Variants in PRKCH observed in about 807,000 individuals in gnomAD.
PRKCH encodes protein kinase C eta type.
Under a neutral mutation model 82.5 loss-of-function variants are expected in PRKCH, and 28 were observed. That is an observed-to-expected ratio of 0.34 (90% CI 0.25 to 0.47). The LOEUF is 0.47. Among genes scored for constraint, PRKCH ranks in the 20% least tolerant of loss-of-function variants. PRKCH has a pLI of 1.00. For synonymous variants in PRKCH, 322 were observed against 327.4 expected (o/e 0.98, Z 0.18); for missense variants, 705 against 881.8 (o/e 0.80, Z 2.54).
intron 2 of PRKCH, among the ~76,000 whole-genome samples, chr14:61,423,252 A>G (rs1489241491): frequency 2.0e-5 from 3 of 152,234 alleles, no homozygotes; most frequent in Non-Finnish European, 4.4e-5. Flanking sequence ...TCAGTGGCAC[A>G]TCAATAATCT....
At chr14:61,315,994 TGC>T (rs1446819083) in intron 1 of PRKCH, among the ~76,000 whole-genome samples, 3 of 152,230 alleles carry the variant, frequency 2.0e-5, no homozygotes, top group Admixed American at 6.5e-5. Flanking sequence ...GTGATCCACC[TGC>T]CTCGGCCTCC....
intron 1 of PRKCH, among the ~76,000 whole-genome samples, chr14:61,188,487 C>T (rs1383184742): frequency 6.6e-6 from 1 of 151,992 alleles, no homozygotes; most frequent in African/African-American, 2.4e-5. Flanking sequence ...CCTTGTGGCT[C>T]CGCAACCCAA....
intron 1 of PRKCH, among the ~76,000 whole-genome samples, chr14:61,259,699 A>C (rs953562399): frequency 6.6e-6 from 1 of 152,180 alleles, no homozygotes; most frequent in Non-Finnish European, 1.5e-5. Flanking sequence ...TCCACTGCAC[A>C]CTTGACCTTT....
chr14:61,414,569 G>A (rs920622465), intron 2 of PRKCH, among the ~76,000 whole-genome samples: 3 of 150,710 alleles, frequency 2.0e-5, no homozygotes, highest in East Asian at 1.9e-4. Flanking sequence ...CACTGTGCCC[G>A]GCATGGGCTT....
intron 6 of PRKCH, among the ~76,000 whole-genome samples, chr14:61,451,325 G>GA (rs1453323962): frequency 6.6e-6 from 1 of 151,862 alleles, no homozygotes; most frequent in African/African-American, 2.4e-5. Context: ...ACACTAAAAA[G>GA]AAAAAAATAA....
At chr14:61,535,893 T>C (rs760726008) in intron 12 of PRKCH, among the ~76,000 whole-genome samples, 7 of 152,188 alleles carry the variant, frequency 4.6e-5, no homozygotes, top group Non-Finnish European at 8.8e-5. Context: ...GATGAGTACA[T>C]GAGGGTCTGT....
intron 10 of PRKCH, among the ~76,000 whole-genome samples, chr14:61,505,899 G>A (rs1053539232): frequency 2.6e-5 from 4 of 152,198 alleles, no homozygotes; most frequent in Non-Finnish European, 2.9e-5. Context: ...CTGTCTCATG[G>A]TTCTAACCAG....
intron 9 of PRKCH, among the ~76,000 whole-genome samples, chr14:61,471,653 GC>G (rs1885509608): frequency 6.6e-6 from 1 of 151,620 alleles, no homozygotes; most frequent in Admixed American, 6.6e-5. Flanking sequence ...TGGCTGGTAA[GC>G]TTTCATCCTT....
chr14:61,334,151 G>A lies in PRKCH; in HGVS notation c.363+11687G>A, dbSNP rs528135692. 6.6e-5 allele frequency among the ~76,000 whole-genome samples: 10 copies of A among 152,304 alleles called. 1 individual carries two copies. The East Asian group carries it at 7.7e-4, about 12-fold the overall frequency. On this transcript the variant is annotated intron_variant, in intron 1 of 13. Transcript: ENST00000332981. Reference sequence around the variant, plus strand: ...CTTTCCCGACTCCACCTCAGTGTGTGGTGGAGGCAGCAGGGTAGCCATCCA... The same window carrying A: ...CTTTCCCGACTCCACCTCAGTGTGTAGTGGAGGCAGCAGGGTAGCCATCCA...
intron 2 of PRKCH, among the ~76,000 whole-genome samples, chr14:61,439,153 G>A (rs1883822788): frequency 6.6e-6 from 1 of 152,194 alleles, no homozygotes; most frequent in Admixed American, 6.5e-5. Context: ...AGCCCTGGTT[G>A]ATTTAAGCAC....
intron 9 of PRKCH, among the ~76,000 whole-genome samples, chr14:61,475,453 T>G (rs1045743805): frequency 2.0e-5 from 3 of 152,354 alleles, no homozygotes; most frequent in East Asian, 1.9e-4. Context: ...GTTAGTGATG[T>G]CTAAATGATT....
chr14:61,389,730 T>A (rs971749861), intron 1 of PRKCH, among the ~76,000 whole-genome samples: 3 of 150,676 alleles, frequency 2.0e-5, no homozygotes, highest in Non-Finnish European at 3.0e-5. Context: ...AAATGCTAAA[T>A]AATGATGCCA....
At chr14:61,393,865 A>G (rs1957908) in intron 2 of PRKCH, among the ~76,000 whole-genome samples, 139,235 of 152,280 alleles carry the variant, frequency 0.91, 64,944 homozygotes, top group East Asian at 1. Context: ...TGTGGGTCTC[A>G]CCTAATGCGG....
intron 1 of PRKCH, among the ~76,000 whole-genome samples, chr14:61,251,974 G>C (rs996810312): frequency 6.6e-6 from 1 of 151,940 alleles, no homozygotes; most frequent in African/African-American, 2.4e-5. Context: ...TGAGTAGCTG[G>C]GATTACAGGT....
At chr14:61,239,965 G>A (rs1393532759) in intron 1 of PRKCH, among the ~76,000 whole-genome samples, 2 of 152,094 alleles carry the variant, frequency 1.3e-5, no homozygotes, top group African/African-American at 4.8e-5. Context: ...CTTTTTTGTT[G>A]TTTATTATAA....
chr14:61,299,369 G>A (rs1413519344), intron 1 of PRKCH, among the ~76,000 whole-genome samples: 1 of 152,150 alleles, frequency 6.6e-6, no homozygotes, highest in African/African-American at 2.4e-5. Context: ...TTCCTAGAAG[G>A]TCATATATAC....
At chr14:61,409,703 CAAAAAAAAA>C (rs56238869) in intron 2 of PRKCH, among the ~76,000 whole-genome samples, 9 of 56,112 alleles carry the variant, frequency 1.6e-4, no homozygotes, top group African/African-American at 6.3e-4. Context: ...GACCCTGTCT[CAAAAAAAAA>C]AAAAAAAAAA....
chr14:61,441,751 T>C (rs1484145307), intron 2 of PRKCH, among the ~76,000 whole-genome samples: 1 of 147,242 alleles, frequency 6.8e-6, no homozygotes, highest in Non-Finnish European at 1.5e-5. Flanking sequence ...TTTTGCCAAA[T>C]AGAACTTTAA....
At chr14:61,378,073 T>A (rs972760377) in intron 1 of PRKCH, among the ~76,000 whole-genome samples, 2 of 152,222 alleles carry the variant, frequency 1.3e-5, no homozygotes, top group African/African-American at 4.8e-5. Flanking sequence ...CTATCACTTC[T>A]CACAGGTTGC....
Sources: gnomAD v4.1 joint callset for allele counts (sites outside exome capture counted in the v4.1 genomes callset) on GRCh38, gnomAD v4.1.1 for gene constraint, MANE v1.5 for transcripts, NCBI Gene and HGNC (gene_info 2026-07-23, HGNC 2026-07-21) for gene names.